Variants in CCDC88C observed in about 807,000 individuals in gnomAD.
The protein encoded by CCDC88C is protein Daple.
CCDC88C carries 131 observed loss-of-function variants against 198.8 expected under a neutral mutation model. That is an observed-to-expected ratio of 0.66 (90% CI 0.57 to 0.76). The LOEUF is 0.76. Among genes scored for constraint, CCDC88C ranks in the 30% least tolerant of loss-of-function variants. The probability of loss-of-function intolerance (pLI) is 0.00; values close to 1 mark genes in which losing one functional copy is unlikely to be tolerated. For missense variants in CCDC88C, 2,553 were observed against 2,631.6 expected (o/e 0.97, Z 0.65); for synonymous variants, 1,166 against 1,114.7 (o/e 1.05, Z -0.92).
At chr14:91,408,325 A>C in intron 3 of CCDC88C, 1 of 273,702 alleles carries the variant, frequency 3.7e-6, no homozygotes, top group South Asian at 4.3e-5. Context: ...TAACCACCTC[A>C]GGGTCACCTT....
At chr14:91,283,232 G>C (rs1890270984) in intron 26 of CCDC88C, 97 bp downstream of exon 26, 2 of 1,264,854 alleles carry the variant, frequency 1.6e-6, no homozygotes, top group Non-Finnish European at 1.1e-6. Context: ...CTCTCAGACT[G>C]AGAGGGAGAG....
chr14:91,396,346 T>G (rs2139991346), intron 3 of CCDC88C, among the ~76,000 whole-genome samples: 1 of 152,328 alleles, frequency 6.6e-6, no homozygotes, highest in South Asian at 2.1e-4. Context: ...TTTTAACGAC[T>G]TGAGAAATCC....
At chr14:91,387,781 G>C (rs147288552) in intron 3 of CCDC88C, among the ~76,000 whole-genome samples, 4 of 152,332 alleles carry the variant, frequency 2.6e-5, no homozygotes, top group African/African-American at 9.6e-5. Flanking sequence ...GACAAGAGCC[G>C]AGATGCTGAT....
At chr14:91,327,555 C>T (rs1039006705) in intron 10 of CCDC88C, among the ~76,000 whole-genome samples, 7 of 152,188 alleles carry the variant, frequency 4.6e-5, no homozygotes, top group African/African-American at 1.7e-4. Flanking sequence ...AGCTCAAAGC[C>T]ACGAACCTAG....
chr14:91,399,447 C>T (rs569106642), intron 3 of CCDC88C, among the ~76,000 whole-genome samples: 208 of 152,310 alleles, frequency 1.4e-3, no homozygotes, highest in Middle Eastern at 6.8e-3. Context: ...GCCGTGGCCA[C>T]AGTCCAGGGC....
In CCDC88C at chr14:91,339,534, G is replaced by A; in HGVS notation, c.625-72C>T. ...CCAGCACAACGCCTGAGCTTGAACA[G>A]GGTGAAGAAACCGCCAAAAGACAGA... is the stretch of plus-strand genomic sequence containing the variant. On this transcript the variant is annotated intron_variant, in intron 7 of 29. Transcript: ENST00000389857. The surrounding 1 kb of genome is among the most constrained non-coding windows in gnomAD (Gnocchi z 5.8). 7.1e-7 allele frequency: 1 copy of A among 1,415,474 alleles called. No individual in the cohort carries two copies. Among genetic ancestry groups the A allele is most frequent in the Non-Finnish European group, 9.6e-7 (1 of 1,046,436 alleles). The allele number at this position is 1,415,474 out of a possible 1,614,324, so 87.7% of individuals were successfully genotyped here.
intron 3 of CCDC88C, among the ~76,000 whole-genome samples, chr14:91,361,807 C>T (rs1263401998): frequency 6.6e-6 from 1 of 152,172 alleles, no homozygotes; most frequent in Non-Finnish European, 1.5e-5. Context: ...GGTTCCAACA[C>T]CCTCGCCCTA....
chr14:91,410,913 C>T (rs17731311), intron 2 of CCDC88C, among the ~76,000 whole-genome samples: 67,948 of 151,948 alleles, frequency 0.45, 15,405 homozygotes, highest in Non-Finnish European at 0.49. Context: ...TCGTGGACAT[C>T]TCCAGCACGT....
chr14:91,324,749 G>T, intron 12 of CCDC88C, 30 bp downstream of exon 12: 4 of 1,605,084 alleles, frequency 2.5e-6, no homozygotes, highest in Non-Finnish European at 3.4e-6. Flanking sequence ...CCACGGCCAG[G>T]CTGGCTCCCC....
intron 3 of CCDC88C, among the ~76,000 whole-genome samples, chr14:91,403,154 C>G (rs1336505014): frequency 6.6e-6 from 1 of 152,198 alleles, no homozygotes; most frequent in East Asian, 1.9e-4. Context: ...AGCCTTGCTG[C>G]CTCTGCACCT....
chr14:91,278,495 G>A (rs567142868), intron 28 of CCDC88C, among the ~76,000 whole-genome samples: 2 of 152,222 alleles, frequency 1.3e-5, no homozygotes, highest in African/African-American at 4.8e-5. Context: ...GCTCATGCAC[G>A]TATTCAAAGC....
At position 91,281,458 on chromosome 14, in the gene CCDC88C, G is replaced by C; in HGVS notation, c.4698C>G (p.Tyr1566Ter). The change falls in exon 27 of 30, where the codon TAC becomes TAG. Residue 1566 changes from tyrosine (Y) to a stop codon, truncating the protein, a stop_gained and splice_region_variant. Coordinates refer to ENST00000389857, the MANE Select transcript of CCDC88C (RefSeq NM_001080414.4). LOFTEE classifies it high-confidence loss of function. ...LEFEVPNHRQ[Y>*]VSRPSSLESS... ...GGACACAGCACCCTCCCTACTCACCGTACTGCCTGTGGTTGGGGACCTCAA... is the reference window on the plus strand; with the variant it reads ...GGACACAGCACCCTCCCTACTCACCCTACTGCCTGTGGTTGGGGACCTCAA... 6.2e-7 allele frequency: 1 copy of C among 1,613,824 alleles called. No individual in the cohort carries two copies. Among genetic ancestry groups the C allele is most frequent in the Non-Finnish European group, 8.5e-7 (1 of 1,179,766 alleles).
chr14:91,384,629 A>G (rs573124332), intron 3 of CCDC88C: 4 of 393,094 alleles, frequency 1.0e-5, no homozygotes, highest in South Asian at 7.7e-5. Flanking sequence ...ACGCACTGGC[A>G]CCGGGAGGAA....
At chr14:91,402,985 T>C (rs577886627) in intron 3 of CCDC88C, among the ~76,000 whole-genome samples, 1 of 152,240 alleles carries the variant, frequency 6.6e-6, no homozygotes, top group East Asian at 1.9e-4. Flanking sequence ...AAGCTAAACT[T>C]CCTTGAGCTG....
intron 2 of CCDC88C, among the ~76,000 whole-genome samples, chr14:91,412,943 C>A (rs1886864026): frequency 6.6e-6 from 1 of 152,128 alleles, no homozygotes; most frequent in African/African-American, 2.4e-5. Context: ...TTCAAGTGCA[C>A]TGGGGTAAAA....
intron 13 of CCDC88C, among the ~76,000 whole-genome samples, chr14:91,319,094 C>T (rs372051136): frequency 2.6e-5 from 4 of 152,058 alleles, no homozygotes; most frequent in East Asian, 3.9e-4. Context: ...GCAGTCAGCC[C>T]GCAAGAACAC....
At chr14:91,417,256 A>G in intron 1 of CCDC88C, 1 of 697,936 alleles carries the variant, frequency 1.4e-6, no homozygotes, top group Admixed American at 2.0e-5. Flanking sequence ...ACTACATGAG[A>G]TATTTGGTTG....
chr14:91,330,493 C>A (rs1335226418), intron 10 of CCDC88C, among the ~76,000 whole-genome samples: 1 of 152,198 alleles, frequency 6.6e-6, no homozygotes, highest in Non-Finnish European at 1.5e-5. Flanking sequence ...ACTCCGCAGG[C>A]AGACTCTGGA....
At chr14:91,274,303 G>A (rs569503565) in intron 29 of CCDC88C, among the ~76,000 whole-genome samples, 29 of 152,276 alleles carry the variant, frequency 1.9e-4, no homozygotes, top group Non-Finnish European at 2.6e-4. Flanking sequence ...CACCAGGAAG[G>A]CCCAGCCGCC....
Sources: allele counts gnomAD v4.1 joint callset (sites outside exome capture counted in the v4.1 genomes callset), GRCh38; gene constraint gnomAD v4.1.1; non-coding constraint Gnocchi (gnomAD v3.1); transcripts MANE v1.5; gene names NCBI Gene and HGNC (gene_info 2026-07-23, HGNC 2026-07-21).